Variants in NALF1 observed in about 807,000 individuals in gnomAD.
NALF1 encodes the protein NALCN channel auxiliary factor 1.
NALF1 carries 3 observed loss-of-function variants against 48.4 expected under a neutral mutation model. The ratio of observed to expected loss-of-function variants is 0.06; its 90% CI spans 0.03 to 0.16. The LOEUF (loss-of-function observed/expected upper bound fraction) is 0.16. Ranked by LOEUF, NALF1 falls within the 10% of genes least tolerant of loss-of-function variation. NALF1 has a pLI of 1.00. For synonymous variants in NALF1, 262 were observed against 245.7 expected (o/e 1.07, Z -0.62); for missense variants, 526 against 571.5 (o/e 0.92, Z 0.81).
intron 1 of NALF1, among the ~76,000 whole-genome samples, chr13:107,777,539 G>A (rs1022625961): frequency 7.9e-5 from 12 of 152,112 alleles, no homozygotes; most frequent in East Asian, 1.9e-4. Flanking sequence ...GTTTAAAAGC[G>A]TGTGGCACCT....
At chr13:107,851,292 G>A (rs1275842799) in intron 1 of NALF1, among the ~76,000 whole-genome samples, 1 of 151,688 alleles carries the variant, frequency 6.6e-6, no homozygotes, top group Non-Finnish European at 1.5e-5. Context: ...TGGAAAACAA[G>A]TGACATTAGC....
chr13:107,567,380 A>G (rs1410601952), intron 1 of NALF1, among the ~76,000 whole-genome samples: 1 of 152,256 alleles, frequency 6.6e-6, no homozygotes, highest in African/African-American at 2.4e-5. Flanking sequence ...AAGACTTACT[A>G]GGACCTCAAG....
intron 1 of NALF1, among the ~76,000 whole-genome samples, chr13:107,772,265 G>A (rs1040089016): frequency 3.3e-5 from 5 of 151,870 alleles, no homozygotes; most frequent in African/African-American, 9.7e-5. Flanking sequence ...TTTGCACTGC[G>A]GACTTGCCCT....
At chr13:107,259,258 A>G (rs563223233) in intron 1 of NALF1, among the ~76,000 whole-genome samples, 19 of 152,282 alleles carry the variant, frequency 1.2e-4, no homozygotes, top group Non-Finnish European at 2.5e-4. Flanking sequence ...TCTTACAAGT[A>G]ACGGATCTTC....
At chr13:107,723,538 A>G (rs1226920191) in intron 1 of NALF1, among the ~76,000 whole-genome samples, 1 of 152,238 alleles carries the variant, frequency 6.6e-6, no homozygotes, top group African/African-American at 2.4e-5. Context: ...AAAGATTATC[A>G]TACTGAACTT....
chr13:107,809,753 G>A (rs940215265), intron 1 of NALF1, among the ~76,000 whole-genome samples: 8 of 152,086 alleles, frequency 5.3e-5, no homozygotes, highest in East Asian at 3.9e-4. Flanking sequence ...CAGATAGAAC[G>A]TTCACTATAG....
At chr13:107,734,282 G>A (rs778199043) in intron 1 of NALF1, among the ~76,000 whole-genome samples, 3 of 152,108 alleles carry the variant, frequency 2.0e-5, no homozygotes, top group Non-Finnish European at 4.4e-5. Context: ...CACCTCATGC[G>A]GTGGTATCAG....
At position 107,419,931 on chromosome 13, in the gene NALF1, T is replaced by C. The variant is rs577861672; in HGVS notation, c.916-209176A>G. Among the ~76,000 whole-genome samples the C allele has an allele frequency of 1.1e-4, 17 of 151,962 alleles. No individual in the cohort carries two copies. In the South Asian group the frequency reaches 1.7e-3, roughly 15 times the overall value. On this transcript the variant is annotated intron_variant, in intron 1 of 2. Transcript: ENST00000375915. ...CGGTGTTGAGACAACAATTTACTTA[T>C]ATGTTACATGTCTGATTCTTCTGAA...
chr13:107,459,514 AT>A (rs1465680599), intron 1 of NALF1, among the ~76,000 whole-genome samples: 3 of 151,996 alleles, frequency 2.0e-5, no homozygotes, highest in Non-Finnish European at 2.9e-5. Context: ...AGAAAAAAAC[AT>A]TTTTTTCATC....
intron 1 of NALF1, among the ~76,000 whole-genome samples, chr13:107,640,988 C>G (rs1362882580): frequency 6.6e-6 from 1 of 152,136 alleles, no homozygotes; most frequent in East Asian, 1.9e-4. Context: ...CTCCCAATAG[C>G]CAAAATATGA....
At chr13:107,716,413 A>G (rs756576350) in intron 1 of NALF1, among the ~76,000 whole-genome samples, 27 of 152,220 alleles carry the variant, frequency 1.8e-4, no homozygotes, top group Non-Finnish European at 3.5e-4. Context: ...TTAATGCCGA[A>G]TACAAGAGAG....
intron 1 of NALF1, among the ~76,000 whole-genome samples, chr13:107,510,617 A>T (rs898195828): frequency 7.2e-5 from 11 of 152,218 alleles, no homozygotes; most frequent in African/African-American, 2.4e-4. Context: ...GTGTATTGAT[A>T]TCAAAATAGT....
chr13:107,726,960 T>A (rs1285246371), intron 1 of NALF1, among the ~76,000 whole-genome samples: 1 of 139,340 alleles, frequency 7.2e-6, no homozygotes, highest in South Asian at 2.3e-4. Flanking sequence ...TGTGTGTGTG[T>A]GTGAAATGAA....
chr13:107,576,350 G>A (rs966908686), intron 1 of NALF1, among the ~76,000 whole-genome samples: 3 of 152,124 alleles, frequency 2.0e-5, no homozygotes, highest in African/African-American at 7.2e-5. Context: ...TGAAAACAAA[G>A]AAAAGTGTTT....
intron 1 of NALF1, chr13:107,788,940 G>T (rs1214249721): frequency 6.6e-6 from 1 of 152,254 alleles, no homozygotes; most frequent in African/African-American, 2.4e-5. Context: ...AGCAAATATG[G>T]TTAACCTAGT....
At chr13:107,640,783 A>G (rs944406579) in intron 1 of NALF1, among the ~76,000 whole-genome samples, 1 of 152,238 alleles carries the variant, frequency 6.6e-6, no homozygotes, top group African/African-American at 2.4e-5. Context: ...AACAATAATA[A>G]TAAAAGACCC....
At chr13:107,201,053 T>C (rs1223802986) in intron 2 of NALF1, among the ~76,000 whole-genome samples, 2 of 152,216 alleles carry the variant, frequency 1.3e-5, no homozygotes, top group Admixed American at 6.5e-5. Context: ...AGATGGCGAC[T>C]GAGAACTATT....
intron 1 of NALF1, among the ~76,000 whole-genome samples, chr13:107,546,084 G>A (rs560725855): frequency 1.3e-5 from 2 of 152,094 alleles, no homozygotes; most frequent in Admixed American, 6.6e-5. Flanking sequence ...ACCTGAAACC[G>A]CTGGGCCTTC....
intron 1 of NALF1, among the ~76,000 whole-genome samples, chr13:107,318,021 T>C (rs1035359408): frequency 6.6e-6 from 1 of 152,078 alleles, no homozygotes; most frequent in Non-Finnish European, 1.5e-5. Flanking sequence ...TCACTGAAGA[T>C]TCTCATACTT....
Sources: allele counts gnomAD v4.1 joint callset (sites outside exome capture counted in the v4.1 genomes callset), GRCh38; gene constraint gnomAD v4.1.1; transcripts MANE v1.5; gene names NCBI Gene and HGNC (gene_info 2026-07-23, HGNC 2026-07-21).